XPNPEP3: variants seen among roughly 807,000 people sequenced by gnomAD.
The protein encoded by XPNPEP3 is X-prolyl aminopeptidase 3, also known as xaa-Pro aminopeptidase 3.
In XPNPEP3, 41 loss-of-function variants were observed where a neutral mutation model predicts 60.0. That is an observed-to-expected ratio of 0.68 (90% CI 0.53 to 0.89). The LOEUF is 0.89. Among genes scored for constraint, XPNPEP3 ranks in the 40% least tolerant of loss-of-function variants. The pLI is 0.00. For synonymous variants in XPNPEP3, 212 were observed against 223.2 expected, an observed-to-expected ratio of 0.95 and a Z score of 0.45; for missense variants, 598 against 638.9, an observed-to-expected ratio of 0.94 and a Z score of 0.69.
At chr22:40,922,189 C>A in intron 7 of XPNPEP3, 144 bp from the exon 8 acceptor site, 1 of 898,620 alleles carries the variant, frequency 1.1e-6, no homozygotes, top group Non-Finnish European at 1.7e-6. Flanking sequence ...AGCTCCTGGC[C>A]ATATTGATAG....
At chr22:40,902,376 A>G (rs999466372) in intron 4 of XPNPEP3, among the ~76,000 whole-genome samples, 1 of 150,134 alleles carries the variant, frequency 6.7e-6, no homozygotes, top group Non-Finnish European at 1.5e-5. Context: ...TCAGCCTCCC[A>G]AGTAGCTGGG....
Position 40,923,313 on chromosome 22 carries a change from C to T in XPNPEP3, c.1236+800C>T, listed in dbSNP as rs6002203. ...TTTGTTGTTTAAGTGACATTTTTGA[C>T]ACTTCAGCAATATTCCCAAAGACCA... On this transcript the variant is annotated intron_variant, in intron 8 of 9. Transcript: ENST00000357137. 3.3e-5 allele frequency among the ~76,000 whole-genome samples: 5 copies of T among 151,766 alleles called. 1 individual carries two copies. The highest frequency in any genetic ancestry group is 3.3e-4 in the Admixed American group (5 of 15,212).
At chr22:40,882,218 G>T in intron 3 of XPNPEP3, 41 bp downstream of exon 3, 2 of 1,610,626 alleles carry the variant, frequency 1.2e-6, no homozygotes, top group Non-Finnish European at 1.7e-6. Context: ...AACCAGATTG[G>T]GATTAAAACC....
At chr22:40,857,681 C>G (rs914210064) in intron 1 of XPNPEP3, among the ~76,000 whole-genome samples, 1 of 152,244 alleles carries the variant, frequency 6.6e-6, no homozygotes, top group African/African-American at 2.4e-5. Flanking sequence ...TTTCGAAATA[C>G]TTCTGGGGCG....
chr22:40,902,886 C>T (rs906692402), intron 4 of XPNPEP3, among the ~76,000 whole-genome samples: 2 of 152,140 alleles, frequency 1.3e-5, no homozygotes, highest in Non-Finnish European at 2.9e-5. Context: ...GTTTTTCTCC[C>T]TACGTAAGGG....
At chr22:40,901,083 C>T (rs903816883) in intron 4 of XPNPEP3, among the ~76,000 whole-genome samples, 1 of 151,454 alleles carries the variant, frequency 6.6e-6, no homozygotes. Context: ...AGTGAGACCT[C>T]CTCTCTTTTT....
chr22:40,915,468 G>A (rs1169788171), intron 7 of XPNPEP3, among the ~76,000 whole-genome samples: 4 of 151,358 alleles, frequency 2.6e-5, no homozygotes, highest in South Asian at 2.1e-4. Flanking sequence ...CAGGAGAATC[G>A]CTTGAACCCA....
chr22:40,862,095 A>G, intron 1 of XPNPEP3: 7 of 1,512,716 alleles, frequency 4.6e-6, no homozygotes, highest in Non-Finnish European at 6.2e-6. Flanking sequence ...GTGACTGCAA[A>G]TAGGTACACT....
intron 2 of XPNPEP3, among the ~76,000 whole-genome samples, chr22:40,880,115 C>T (rs57951665): frequency 6.6e-5 from 10 of 151,694 alleles, no homozygotes; most frequent in Admixed American, 1.3e-4. Flanking sequence ...TTTGACCAAG[C>T]CGTTTTTCTC....
intron 2 of XPNPEP3, among the ~76,000 whole-genome samples, chr22:40,874,859 T>G (rs2058021697): frequency 6.6e-6 from 1 of 152,190 alleles, no homozygotes; most frequent in Admixed American, 6.5e-5. Flanking sequence ...ATTGGTCATG[T>G]TTTAAAGCAG....
chr22:40,920,293 G>A (rs980105770), intron 7 of XPNPEP3, among the ~76,000 whole-genome samples: 1 of 152,024 alleles, frequency 6.6e-6, no homozygotes, highest in Non-Finnish European at 1.5e-5. Flanking sequence ...GCTTGAACCC[G>A]GTGGGGGCAG....
At chr22:40,873,701 G>A (rs1414821220) in intron 2 of XPNPEP3, among the ~76,000 whole-genome samples, 1 of 152,126 alleles carries the variant, frequency 6.6e-6, no homozygotes, top group African/African-American at 2.4e-5. Flanking sequence ...GGAAGCTGAA[G>A]TAGGAGGATT....
intron 1 of XPNPEP3, chr22:40,860,054 CAT>C (rs1460266179): frequency 6.6e-6 from 1 of 152,022 alleles, no homozygotes; most frequent in Non-Finnish European, 1.5e-5. Flanking sequence ...TAAAATTTAC[CAT>C]GTTACCCGTT....
At chr22:40,874,857 T>C (rs2058021687) in intron 2 of XPNPEP3, among the ~76,000 whole-genome samples, 1 of 152,208 alleles carries the variant, frequency 6.6e-6, no homozygotes, top group Admixed American at 6.5e-5. Context: ...CCATTGGTCA[T>C]GTTTTAAAGC....
At chr22:40,914,096 C>T (rs921801816) in intron 6 of XPNPEP3, 143 bp from the exon 7 acceptor site, 12 of 682,230 alleles carry the variant, frequency 1.8e-5, no homozygotes, top group Non-Finnish European at 3.1e-5. Flanking sequence ...GAGCTGAGAT[C>T]ACACCATTGC....
intron 2 of XPNPEP3, among the ~76,000 whole-genome samples, chr22:40,879,495 C>T (rs184821438): frequency 9.7e-4 from 147 of 152,234 alleles, no homozygotes; most frequent in Middle Eastern, 3.4e-3. Flanking sequence ...TGCTTGAGGC[C>T]GGGAGTTCGA....
chr22:40,911,923 T>C (rs2058178624), intron 6 of XPNPEP3, among the ~76,000 whole-genome samples: 2 of 152,178 alleles, frequency 1.3e-5, no homozygotes, highest in South Asian at 4.1e-4. Flanking sequence ...GACATTCTCT[T>C]ACTAGTGTAC....
At chr22:40,895,725 T>C (rs2058105256) in intron 4 of XPNPEP3, among the ~76,000 whole-genome samples, 1 of 152,128 alleles carries the variant, frequency 6.6e-6, no homozygotes, top group African/African-American at 2.4e-5. Flanking sequence ...AATCTGATGC[T>C]TGACCAACTG....
At chr22:40,889,333 A>C (rs998370898) in intron 4 of XPNPEP3, among the ~76,000 whole-genome samples, 6 of 152,130 alleles carry the variant, frequency 3.9e-5, no homozygotes, top group African/African-American at 1.4e-4. Flanking sequence ...CATCCTCTTA[A>C]CACTTTCAGT....
Sources: gnomAD v4.1 joint callset for allele counts (sites outside exome capture counted in the v4.1 genomes callset) on GRCh38, gnomAD v4.1.1 for gene constraint, MANE v1.5 for transcripts, NCBI Gene and HGNC (gene_info 2026-07-23, HGNC 2026-07-21) for gene names.